JRK: variants seen among roughly 807,000 people sequenced by gnomAD.
The protein encoded by JRK is jerky protein homolog.
For missense variants in JRK, 720 were observed against 509.2 expected, an observed-to-expected ratio of 1.41 and a Z score of -3.98; for synonymous variants, 303 against 218.1, an observed-to-expected ratio of 1.39 and a Z score of -3.43.
At position 142,664,757 on chromosome 8, in the gene JRK, C is replaced by T. The variant is rs2129758094; in HGVS notation, c.1302G>A (p.Gln434=). The change falls in exon 2 of 2, where the codon CAG becomes CAA. Residue 434 remains glutamine (Q), a synonymous_variant. Coordinates refer to ENST00000612905, the MANE Select transcript of JRK (RefSeq NM_003724.4). ...EGSSCPGQLR[Q]RQAASWGVAG... The stretch of plus-strand genomic sequence containing the variant: ...CTACCCCCCAGCTGGCGGCCTGGCG[C>T]TGGCGAAGCTGGCCCGGGCAGGAGG... 2 of 1,590,326 alleles carry T rather than the reference C, an allele frequency of 1.3e-6. No homozygotes were observed. Among genetic ancestry groups the T allele is most frequent in the East Asian group, 4.6e-5 (2 of 43,706 alleles).
At chr8:142,650,143 C>G in the JRK span, among the ~76,000 whole-genome samples, 50 of 152,356 alleles carry the variant, frequency 3.3e-4, 2 homozygotes, top group East Asian at 9.5e-3. Flanking sequence ...GCCTGTGGCC[C>G]CTTTGTTTTG....
chr8:142,662,789 G>A lies in JRK; in HGVS notation c.*1563C>T, dbSNP rs1846958217. ...GCAGACGCTGGAATGCAAACTACGT[G>A]CTGACTCGGCCAAATGATATGAATT... On this transcript the variant is annotated 3_prime_UTR_variant, in exon 2 of 2. Coordinates refer to ENST00000612905, the MANE Select transcript of JRK (RefSeq NM_003724.4). 1 of 985,394 alleles carries A rather than the reference G, an allele frequency of 1.0e-6. No individual in the cohort carries two copies. The highest frequency in any genetic ancestry group is 1.2e-6 in the Non-Finnish European group (1 of 829,838). 61.0% of individuals were successfully genotyped at this position (985,394 alleles called of 1,614,324 possible).
Position 142,660,643 on chromosome 8 carries a change from C to G in JRK, c.*3709G>C. 1 of 945,838 alleles carries G rather than the reference C, an allele frequency of 1.1e-6. No homozygotes were observed. The highest frequency in any genetic ancestry group is 1.3e-6 in the Non-Finnish European group (1 of 794,918). The allele number at this position is 945,838 out of a possible 1,614,324, so 58.6% of individuals were successfully genotyped here. Reference sequence around the variant, plus strand: ...TTTCAAACTCCTGAACTAAAGTGATCCTCCTGCCGTGGCCTTCCAGAGTAC... The same window carrying G: ...TTTCAAACTCCTGAACTAAAGTGATGCTCCTGCCGTGGCCTTCCAGAGTAC... On this transcript the variant is annotated 3_prime_UTR_variant, in exon 2 of 2. Coordinates refer to ENST00000612905, the MANE Select transcript of JRK (RefSeq NM_003724.4).
In JRK at chr8:142,660,517, G is replaced by C. The variant is rs993133665; in HGVS notation, c.*3835C>G. The C allele has an allele frequency of 1.3e-6, 1 of 788,246 alleles. No individual in the cohort carries two copies. Among genetic ancestry groups the C allele is most frequent in the African/African-American group, 1.9e-5 (1 of 53,000 alleles). The allele number at this position is 788,246 out of a possible 1,614,324, so 48.8% of individuals were successfully genotyped here. Reference sequence around the variant, plus strand: ...CTGGGCTTGGGGATCCTCCCGCCTCGGCCTCCTGAGTAGCTGGGGTTACAG... The same window carrying C: ...CTGGGCTTGGGGATCCTCCCGCCTCCGCCTCCTGAGTAGCTGGGGTTACAG... On this transcript the variant is annotated 3_prime_UTR_variant, in exon 2 of 2. Transcript: ENST00000612905.
Position 142,658,652 on chromosome 8 carries a change from A to G in JRK, c.*5700T>C. The G allele has an allele frequency of 1.2e-6, 1 of 819,684 alleles. No homozygotes were observed. Among genetic ancestry groups the G allele is most frequent in the Non-Finnish European group, 1.8e-6 (1 of 570,368 alleles). The allele number at this position is 819,684 out of a possible 1,614,324, so 50.8% of individuals were successfully genotyped here. ...TCTCACCTAAGCCTAGTCACCTCCCAAAGGCCCCACCTCCTAATACCACCC... is the reference window on the plus strand; with the variant it reads ...TCTCACCTAAGCCTAGTCACCTCCCGAAGGCCCCACCTCCTAATACCACCC... On this transcript the variant is annotated 3_prime_UTR_variant, in exon 2 of 2. Coordinates refer to ENST00000612905, the MANE Select transcript of JRK (RefSeq NM_003724.4).
In JRK at chr8:142,660,827, A is replaced by G; in HGVS notation, c.*3525T>C. The G allele has an allele frequency of 1.0e-6, 1 of 985,554 alleles. No individual in the cohort carries two copies. The highest frequency in any genetic ancestry group is 1.7e-5 in the African/African-American group (1 of 57,310). 61.1% of individuals were successfully genotyped at this position (985,554 alleles called of 1,614,324 possible). On this transcript the variant is annotated 3_prime_UTR_variant, in exon 2 of 2. Coordinates refer to ENST00000612905, the MANE Select transcript of JRK (RefSeq NM_003724.4). Reference sequence around the variant, plus strand: ...CCTCCCAAGAATGGATGCAGTCTACACCTTCTGCAAACCCCTGCCTCAAAC... The same window carrying G: ...CCTCCCAAGAATGGATGCAGTCTACGCCTTCTGCAAACCCCTGCCTCAAAC...
chr8:142,652,319 G>A, the JRK span, among the ~76,000 whole-genome samples: 5 of 152,172 alleles, frequency 3.3e-5, no homozygotes, highest in African/African-American at 1.2e-4. Context: ...AGCCTCAGGA[G>A]GTCCTGACAT....
rs782197187 is a variant in JRK at position 142,665,177 on chromosome 8, G to A, written c.882C>T (p.Ala294=). 86 of 717,896 alleles carry A rather than the reference G, an allele frequency of 1.2e-4. No homozygotes were observed. The highest frequency in any genetic ancestry group is 6.9e-4 in the Middle Eastern group (3 of 4,366). 44.5% of individuals were successfully genotyped at this position (717,896 alleles called of 1,614,324 possible). Residue 294 remains alanine (A), a synonymous_variant, in exon 2 of 2, where the codon GCC becomes GCT. Coordinates refer to ENST00000612905, the MANE Select transcript of JRK (RefSeq NM_003724.4). ...RTIGLPEDSK[A]VLLLDSSRAH... ...CCCGGGAGCTGTCCAGCAAGAGAAC[G>A]GCTTTGCTGTCTTCCGGCAAACCTA... is the stretch of plus-strand genomic sequence containing the variant.
chr8:142,668,901 C>CCAGT (rs1847220338), intron 1 of JRK, among the ~76,000 whole-genome samples: 1 of 151,626 alleles, frequency 6.6e-6, no homozygotes, highest in South Asian at 2.1e-4. Context: ...ATCCCAGTCC[C>CCAGT]CAGTCAGCCC....
rs1186607507 is a variant in JRK, at chr8:142,660,950, G to A, written c.*3402C>T. The A allele has an allele frequency of 3.0e-5, 30 of 985,468 alleles. No individual in the cohort carries two copies. In the East Asian group the frequency reaches 4.5e-4, roughly 15 times the overall value. 61.0% of individuals were successfully genotyped at this position (985,468 alleles called of 1,614,324 possible). ...CTGATGACAGTCCTCCAACCCCAGC[G>A]AGCTGGGGAAGCCGTGGGCAGGGGC... On this transcript the variant is annotated 3_prime_UTR_variant, in exon 2 of 2. Transcript: ENST00000612905.
intron 1 of JRK, among the ~76,000 whole-genome samples, chr8:142,667,627 C>T (rs939242460): frequency 1.3e-5 from 2 of 152,178 alleles, no homozygotes; most frequent in Non-Finnish European, 2.9e-5. Flanking sequence ...TGATAGCCCC[C>T]TGGGAGCAAG....
Position 142,664,852 on chromosome 8 carries a change from C to A in JRK, c.1207G>T (p.Ala403Ser). The change falls in exon 2 of 2, where the codon GCA becomes TCA. Residue 403 changes from alanine (A) to serine (S), a missense_variant. Ala to Ser is a moderately conservative substitution (Grantham distance 99). Coordinates refer to ENST00000612905, the MANE Select transcript of JRK (RefSeq NM_003724.4). ...TGGGGCTTCACTGGGAAGCACTCTGCCTCCAACTCCTCCTCAGAGGAGGAG... is the reference window on the plus strand; with the variant it reads ...TGGGGCTTCACTGGGAAGCACTCTGACTCCAACTCCTCCTCAGAGGAGGAG... ...EGSSSEEELE[A>S]ECFPVKPHNK... 6.6e-7 allele frequency: 1 copy of A among 1,521,022 alleles called. No homozygotes were observed. Among genetic ancestry groups the A allele is most frequent in the Non-Finnish European group, 9.1e-7 (1 of 1,099,442 alleles). 94.2% of individuals were successfully genotyped at this position (1,521,022 alleles called of 1,614,324 possible).
At chr8:142,669,474 G>T (rs1269560550) in intron 1 of JRK, among the ~76,000 whole-genome samples, 1 of 152,130 alleles carries the variant, frequency 6.6e-6, no homozygotes, top group Non-Finnish European at 1.5e-5. Context: ...GTACCCCAGG[G>T]TCCCCGTTTG....
chr8:142,653,111 A>G (rs1051264493), downstream of JRK, among the ~76,000 whole-genome samples: 1 of 152,208 alleles, frequency 6.6e-6, no homozygotes, highest in South Asian at 2.1e-4. Flanking sequence ...TTTAACCTCC[A>G]AACTGCCCTT....
Position 142,660,500 on chromosome 8 carries a change from G to T in JRK, c.*3852C>A. 1 of 879,086 alleles carries T rather than the reference G, an allele frequency of 1.1e-6. No individual in the cohort carries two copies. Among genetic ancestry groups the T allele is most frequent in the African/African-American group, 1.8e-5 (1 of 55,154 alleles). The allele number at this position is 879,086 out of a possible 1,614,324, so 54.5% of individuals were successfully genotyped here. A position where few individuals can be genotyped will look rare whatever the true frequency, so the allele number is the denominator to read the frequency against. The stretch of plus-strand genomic sequence containing the variant: ...ACTGCAGCCTCAAACTCCTGGGCTT[G>T]GGGATCCTCCCGCCTCGGCCTCCTG... On this transcript the variant is annotated 3_prime_UTR_variant, in exon 2 of 2. Transcript: ENST00000612905.
At chr8:142,649,324 T>C in the JRK span, among the ~76,000 whole-genome samples, 1 of 152,208 alleles carries the variant, frequency 6.6e-6, no homozygotes. Context: ...CACCCAAAAC[T>C]CATCGTGAAT....
the JRK span, among the ~76,000 whole-genome samples, chr8:142,643,986 C>A: frequency 6.6e-6 from 1 of 152,124 alleles, no homozygotes; most frequent in African/African-American, 2.4e-5. Context: ...AAAAGCAAAA[C>A]AAATGATTAA....
chr8:142,647,298 A>G, the JRK span, among the ~76,000 whole-genome samples: 1 of 152,076 alleles, frequency 6.6e-6, no homozygotes, highest in Non-Finnish European at 1.5e-5. Flanking sequence ...TTTCCTCATT[A>G]AGAAAAAATG....
At chr8:142,653,684 T>C (rs1846703362), downstream of JRK, among the ~76,000 whole-genome samples, 1 of 152,182 alleles carries the variant, frequency 6.6e-6, no homozygotes, top group African/African-American at 2.4e-5. Flanking sequence ...GCCACACTTT[T>C]GCATTCCTGA....
Sources: allele counts gnomAD v4.1 joint callset (sites outside exome capture counted in the v4.1 genomes callset), GRCh38; gene constraint gnomAD v4.1.1; transcripts MANE v1.5; gene names NCBI Gene and HGNC (gene_info 2026-07-23, HGNC 2026-07-21).